KCNIP1: variants seen among roughly 807,000 people sequenced by gnomAD.
KCNIP1 encodes A-type potassium channel modulatory protein KCNIP1.
KCNIP1 carries 18 observed loss-of-function variants against 33.0 expected under a neutral mutation model. The ratio of observed to expected loss-of-function variants is 0.55; its 90% CI spans 0.38 to 0.81. The LOEUF (loss-of-function observed/expected upper bound fraction) is 0.81, where lower values mean the gene tolerates loss of function less well. Among genes scored for constraint, KCNIP1 ranks in the 30% least tolerant of loss-of-function variants. The pLI, the probability that KCNIP1 is intolerant of heterozygous loss-of-function variation, is 0.00. For missense variants in KCNIP1, 238 were observed against 271.6 expected (o/e 0.88, Z 0.87); for synonymous variants, 93 against 98.3 (o/e 0.95, Z 0.32).
rs1760254118 is a variant in KCNIP1 at position 170,635,705 on chromosome 5, A to G, written c.62-83053A>G. 2.6e-5 allele frequency among the ~76,000 whole-genome samples: 4 copies of G among 152,356 alleles called. No homozygotes were observed. The South Asian group carries it at 6.2e-4, about 24-fold the overall frequency. ...GTTTCAGGTTTTGTCTCCAGCCAAG[A>G]TAAGTATCTTTGCAAGGCTCTGTTT... On this transcript the variant is annotated intron_variant, in intron 1 of 7. Transcript: ENST00000328939.
At chr5:170,628,069 C>T (rs1474143204) in intron 1 of KCNIP1, among the ~76,000 whole-genome samples, 1 of 152,160 alleles carries the variant, frequency 6.6e-6, no homozygotes, top group Non-Finnish European at 1.5e-5. Context: ...TGGGGAATTC[C>T]CGCCTCTGGG....
chr5:170,385,076 C>A (rs1216384974), intron 1 of KCNIP1, among the ~76,000 whole-genome samples: 2 of 152,122 alleles, frequency 1.3e-5, no homozygotes, highest in Non-Finnish European at 2.9e-5. Context: ...TGTCTGTTAC[C>A]ACCACGTCCT....
chr5:170,378,748 C>T (rs1474155672), intron 1 of KCNIP1: 1 of 1,613,936 alleles, frequency 6.2e-7, no homozygotes, highest in African/African-American at 1.3e-5. Context: ...TTGCTCTTCA[C>T]CATGGCGATA....
chr5:170,705,893 A>G (rs1464292093), intron 1 of KCNIP1, among the ~76,000 whole-genome samples: 1 of 152,232 alleles, frequency 6.6e-6, no homozygotes, highest in Non-Finnish European at 1.5e-5. Context: ...CAAGATGGAA[A>G]TAACATTTTT....
intron 1 of KCNIP1, among the ~76,000 whole-genome samples, chr5:170,589,712 G>A (rs1758135607): frequency 6.9e-6 from 1 of 144,702 alleles, no homozygotes; most frequent in Non-Finnish European, 1.5e-5. Flanking sequence ...TGTTTGGTTT[G>A]GTGTGGTGTG....
intron 1 of KCNIP1, among the ~76,000 whole-genome samples, chr5:170,431,825 A>T (rs1262314350): frequency 6.6e-6 from 1 of 152,128 alleles, no homozygotes; most frequent in African/African-American, 2.4e-5. Context: ...GGACTTGAGG[A>T]GATGGGTCTG....
chr5:170,724,542 A>G (rs1402420154), intron 5 of KCNIP1, among the ~76,000 whole-genome samples: 1 of 152,222 alleles, frequency 6.6e-6, no homozygotes, highest in African/African-American at 2.4e-5. Flanking sequence ...GGAAAGGAAG[A>G]ATTAACACTG....
intron 1 of KCNIP1, among the ~76,000 whole-genome samples, chr5:170,490,673 A>T (rs1366312575): frequency 1.3e-5 from 2 of 152,140 alleles, no homozygotes; most frequent in Admixed American, 6.5e-5. Context: ...TTCAAAAGAA[A>T]AGGTTATTAA....
Position 170,395,476 on chromosome 5 carries a change from A to G in KCNIP1, c.88+41512A>G, listed in dbSNP as rs548719742. ...TTAAGAAGGGTACTTGCTTCCCTGC[A>G]TGCTTGTTTGTGTTTAGCGGAAGGC... is the stretch of plus-strand genomic sequence containing the variant. On this transcript the variant is annotated intron_variant, in intron 1 of 7. Transcript: ENST00000377360. Among the ~76,000 whole-genome samples, 15 of 152,358 alleles carry G rather than the reference A, an allele frequency of 9.8e-5. No individual in the cohort carries two copies. The South Asian group carries it at 3.1e-3, about 32-fold the overall frequency.
At chr5:170,455,901 C>A (rs1174733533) in intron 1 of KCNIP1, among the ~76,000 whole-genome samples, 1 of 152,180 alleles carries the variant, frequency 6.6e-6, no homozygotes, top group African/African-American at 2.4e-5. Context: ...GACAATATGG[C>A]GATTCCTCAA....
At chr5:170,576,292 T>C (rs1475909599) in intron 1 of KCNIP1, among the ~76,000 whole-genome samples, 1 of 152,212 alleles carries the variant, frequency 6.6e-6, no homozygotes, top group African/African-American at 2.4e-5. Context: ...GCAGTCAGAA[T>C]GTGACAACTA....
chr5:170,378,508 C>T lies in KCNIP1; in HGVS notation c.88+24544C>T, dbSNP rs926026793. ...TGGCCTCCAAGGCATTGGGGAGCCA[C>T]TGTACATTCTTGAGCAGGCAATGAC... On this transcript the variant is annotated intron_variant, in intron 1 of 7. Transcript: ENST00000377360. 4.6e-6 allele frequency: 3 copies of T among 649,082 alleles called. No homozygotes were observed. In the African/African-American group the frequency reaches 5.4e-5, roughly 12 times the overall value. 40.2% of individuals were successfully genotyped at this position (649,082 alleles called of 1,614,324 possible).
chr5:170,412,386 G>A (rs894434090), intron 1 of KCNIP1, among the ~76,000 whole-genome samples: 7 of 152,196 alleles, frequency 4.6e-5, no homozygotes, highest in Admixed American at 1.3e-4. Flanking sequence ...CTGCAGGCAG[G>A]AGGCAGCCAT....
At chr5:170,686,358 G>T (rs1045098771) in intron 1 of KCNIP1, among the ~76,000 whole-genome samples, 1 of 152,050 alleles carries the variant, frequency 6.6e-6, no homozygotes, top group Non-Finnish European at 1.5e-5. Flanking sequence ...ATGAGAGAGA[G>T]GGGGAGGGAG....
intron 1 of KCNIP1, among the ~76,000 whole-genome samples, chr5:170,700,628 G>C (rs536263261): frequency 6.6e-6 from 1 of 152,298 alleles, no homozygotes; most frequent in South Asian, 2.1e-4. Flanking sequence ...CTCTGTGAGG[G>C]CAGAGATTGT....
chr5:170,692,968 A>G (rs1762770056), intron 1 of KCNIP1, among the ~76,000 whole-genome samples: 1 of 152,266 alleles, frequency 6.6e-6, no homozygotes, highest in African/African-American at 2.4e-5. Context: ...TAGGTTTGAG[A>G]TGACTTTAGC....
At chr5:170,417,604 C>T (rs924388681) in intron 1 of KCNIP1, among the ~76,000 whole-genome samples, 3 of 152,178 alleles carry the variant, frequency 2.0e-5, no homozygotes, top group Admixed American at 2.0e-4. Context: ...ACCCTCTTGT[C>T]GTCTGGGTTC....
chr5:170,540,646 C>T (rs1420623154), intron 1 of KCNIP1, among the ~76,000 whole-genome samples: 1 of 152,302 alleles, frequency 6.6e-6, no homozygotes, highest in African/African-American at 2.4e-5. Context: ...TGCACTGTGG[C>T]CCATGTCTGA....
intron 1 of KCNIP1, among the ~76,000 whole-genome samples, chr5:170,367,366 AAAG>A (rs1763698666): frequency 1.0e-5 from 1 of 100,020 alleles, no homozygotes; most frequent in African/African-American, 4.3e-5. Context: ...AGAAAGAAAG[AAAG>A]AAAGAAAGAA....
Sources: gnomAD v4.1 joint callset for allele counts (sites outside exome capture counted in the v4.1 genomes callset) on GRCh38, gnomAD v4.1.1 for gene constraint, MANE v1.5 for transcripts, NCBI Gene and HGNC (gene_info 2026-07-23, HGNC 2026-07-21) for gene names.